The following SLC31A1 variants were observed in gnomAD, a reference collection of about 807,000 sequenced individuals.
SLC31A1 encodes the protein high affinity copper uptake protein 1.
A neutral mutation model predicts 17.2 loss-of-function variants in SLC31A1; 5 were observed. The ratio of observed to expected loss-of-function variants is 0.29; its 90% CI spans 0.15 to 0.61. The LOEUF is 0.61. SLC31A1 is among the 20% of genes least tolerant of loss of function. The pLI is 0.86. For missense variants in SLC31A1, 161 were observed against 241.4 expected (o/e 0.67, Z 2.21); for synonymous variants, 76 against 78.8 (o/e 0.96, Z 0.19).
intron 1 of SLC31A1, among the ~76,000 whole-genome samples, chr9:113,239,445 A>T (rs1215984569): frequency 6.6e-6 from 1 of 152,172 alleles, no homozygotes; most frequent in African/African-American, 2.4e-5. Context: ...AGCCATAAGG[A>T]TTTAATCTAT....
chr9:113,251,258 A>C (rs1002004601), intron 1 of SLC31A1, among the ~76,000 whole-genome samples: 3 of 152,052 alleles, frequency 2.0e-5, no homozygotes, highest in Non-Finnish European at 4.4e-5. Context: ...CCTCATCTCC[A>C]CTAAAAATAA....
intron 1 of SLC31A1, among the ~76,000 whole-genome samples, chr9:113,251,113 T>C (rs2119009912): frequency 6.6e-6 from 1 of 152,268 alleles, no homozygotes; most frequent in African/African-American, 2.4e-5. Context: ...TTAGACAGTA[T>C]TCTTCTTTAC....
At chr9:113,229,155 A>AT (rs1211317176) in intron 1 of SLC31A1, among the ~76,000 whole-genome samples, 1 of 152,180 alleles carries the variant, frequency 6.6e-6, no homozygotes, top group Non-Finnish European at 1.5e-5. Flanking sequence ...TGATAATTTA[A>AT]TTTTTTAAAT....
At position 113,261,587 on chromosome 9, in the gene SLC31A1, A is replaced by C. The variant is rs1475999791; in HGVS notation, c.*1114A>C. Reference sequence around the variant, plus strand: ...CCTTGGTTTGTCCCAGCTGAAGTGAAGCAAGAGAGTTTGAATTAATTTTTC... The same window carrying C: ...CCTTGGTTTGTCCCAGCTGAAGTGACGCAAGAGAGTTTGAATTAATTTTTC... On this transcript the variant is annotated 3_prime_UTR_variant, in exon 5 of 5. Coordinates refer to ENST00000374212, the MANE Select transcript of SLC31A1 (RefSeq NM_001859.4). 1.3e-5 allele frequency: 2 copies of C among 152,662 alleles called. No homozygotes were observed. 9.5% of individuals were successfully genotyped at this position (152,662 alleles called of 1,614,324 possible).
chr9:113,260,127 C>A, intron 4 of SLC31A1, 145 bp from the exon 5 acceptor site: 1 of 731,942 alleles, frequency 1.4e-6, no homozygotes, highest in Non-Finnish European at 2.5e-6. Context: ...TTCCATGGAC[C>A]AATCAAAGAA....
At chr9:113,237,404 C>T (rs1403993160) in intron 1 of SLC31A1, among the ~76,000 whole-genome samples, 1 of 152,050 alleles carries the variant, frequency 6.6e-6, no homozygotes, top group African/African-American at 2.4e-5. Flanking sequence ...CCAATTGTGC[C>T]TCAACAGGAA....
chr9:113,253,977 T>TTTTTTTTTA (rs1831691665), intron 1 of SLC31A1, among the ~76,000 whole-genome samples: 1 of 148,456 alleles, frequency 6.7e-6, no homozygotes, highest in Non-Finnish European at 1.5e-5. Context: ...TTTTTTTTTT[T>TTTTTTTTTA]GAGATAGTCT....
At chr9:113,235,910 G>A (rs1831453073) in intron 1 of SLC31A1, among the ~76,000 whole-genome samples, 1 of 152,224 alleles carries the variant, frequency 6.6e-6, no homozygotes, top group African/African-American at 2.4e-5. Context: ...GTTCTGGAAT[G>A]TGTTTAATCA....
At chr9:113,241,352 C>T (rs1377353357) in intron 1 of SLC31A1, among the ~76,000 whole-genome samples, 3 of 152,098 alleles carry the variant, frequency 2.0e-5, no homozygotes, top group East Asian at 1.9e-4. Context: ...CTTGGAGTAC[C>T]GGTTCATCAG....
At chr9:113,229,133 A>G (rs1365563471) in intron 1 of SLC31A1, among the ~76,000 whole-genome samples, 1 of 152,250 alleles carries the variant, frequency 6.6e-6, no homozygotes, top group Non-Finnish European at 1.5e-5. Context: ...GGCGTGATCC[A>G]CTGCGCCTGA....
chr9:113,246,351 ATTTT>A (rs35589001), intron 1 of SLC31A1, among the ~76,000 whole-genome samples: 2 of 146,712 alleles, frequency 1.4e-5, no homozygotes, highest in Non-Finnish European at 3.0e-5. Flanking sequence ...GGCCATTAAG[ATTTT>A]TTTTTTCTTT....
rs1344709963 is a variant in SLC31A1 at position 113,221,622 on chromosome 9, G to A, written c.-92G>A. The A allele has an allele frequency of 2.7e-6, 1 of 376,154 alleles. No individual in the cohort carries two copies. The highest frequency in any genetic ancestry group is 5.1e-6 in the Non-Finnish European group (1 of 195,474). 23.3% of individuals were successfully genotyped at this position (376,154 alleles called of 1,614,324 possible). A position where few individuals can be genotyped will look rare whatever the true frequency, so the allele number is the denominator to read the frequency against. On this transcript the variant is annotated 5_prime_UTR_variant, in exon 1 of 5. Coordinates refer to ENST00000374212, the MANE Select transcript of SLC31A1 (RefSeq NM_001859.4). Reference sequence around the variant, plus strand: ...GGGGCCGTTCGAAGAGTCGTGAGGGGGTGACGGGTTAAGATTCGGAGAGAG... The same window carrying A: ...GGGGCCGTTCGAAGAGTCGTGAGGGAGTGACGGGTTAAGATTCGGAGAGAG...
At chr9:113,236,432 C>T (rs560491909) in intron 1 of SLC31A1, among the ~76,000 whole-genome samples, 5 of 152,168 alleles carry the variant, frequency 3.3e-5, no homozygotes, top group South Asian at 2.1e-4. Flanking sequence ...GGTGCGATCT[C>T]GGCTCACTGC....
In SLC31A1 at chr9:113,252,946, C is replaced by CT. The variant is rs1282361795; in HGVS notation, c.-35-3161dup. On this transcript the variant is annotated intron_variant, in intron 1 of 4. Transcript: ENST00000374212. ...CTGGCTAGCGAAAGTCTTTTCTTTT[C>CT]TTTTTTTCTTTTTTTTTTTTTTTTT... Among the ~76,000 whole-genome samples, 911 of 113,606 alleles carry CT rather than the reference C, an allele frequency of 8.0e-3. 41 individuals carry two copies. The highest frequency in any genetic ancestry group is 0.012 in the African/African-American group (333 of 28,076). 74.5% of individuals were successfully genotyped at this position (113,606 alleles called of 152,430 possible). A position where few individuals can be genotyped will look rare whatever the true frequency, so the allele number is the denominator to read the frequency against.
At chr9:113,224,601 TA>T (rs1487513731) in intron 1 of SLC31A1, among the ~76,000 whole-genome samples, 2 of 152,176 alleles carry the variant, frequency 1.3e-5, no homozygotes, top group Non-Finnish European at 2.9e-5. Flanking sequence ...GCTAATTTTG[TA>T]TTTTTAGTAG....
In SLC31A1 at chr9:113,257,184, A is replaced by C; in HGVS notation, c.201A>C (p.Gly67=). 1 of 1,612,950 alleles carries C rather than the reference A, an allele frequency of 6.2e-7. No homozygotes were observed. The highest frequency in any genetic ancestry group is 8.5e-7 in the Non-Finnish European group (1 of 1,179,004). ...CCGGTTTGGTGATCAATACAGCTGG[A>C]GGTGAGTAAGCCATTAGGTAGTGTT... is the stretch of plus-strand genomic sequence containing the variant. ...LFSGLVINTA[G]EMAGAFVAVF... is the part of the protein sequence containing the mutation. Residue 67 remains glycine (G), a splice_region_variant and synonymous_variant, in exon 3 of 5, where the codon GGA becomes GGC. Coordinates refer to ENST00000374212, the MANE Select transcript of SLC31A1 (RefSeq NM_001859.4).
At position 113,263,317 on chromosome 9, in the gene SLC31A1, T is replaced by A. The variant is rs1831814968; in HGVS notation, c.*2844T>A. ...GATTCTTAGACTGGCTGCCAAAGGA[T>A]GAAGCTAGTGAAGGAGAAAAAGCTT... On this transcript the variant is annotated 3_prime_UTR_variant, in exon 5 of 5. Coordinates refer to ENST00000374212, the MANE Select transcript of SLC31A1 (RefSeq NM_001859.4). The A allele has an allele frequency of 6.6e-6, 1 of 152,248 alleles. No individual in the cohort carries two copies. The highest frequency in any genetic ancestry group is 1.5e-5 in the Non-Finnish European group (1 of 68,048). The allele number at this position is 152,248 out of a possible 1,614,324, so 9.4% of individuals were successfully genotyped here. A position where few individuals can be genotyped will look rare whatever the true frequency, so the allele number is the denominator to read the frequency against.
intron 1 of SLC31A1, among the ~76,000 whole-genome samples, chr9:113,226,260 G>A (rs1831341554): frequency 1.3e-5 from 2 of 152,156 alleles, no homozygotes; most frequent in African/African-American, 4.8e-5. Flanking sequence ...AAGTGGACAG[G>A]GCAGGCCTGA....
chr9:113,248,231 G>A (rs1831605192), intron 1 of SLC31A1, among the ~76,000 whole-genome samples: 1 of 151,954 alleles, frequency 6.6e-6, no homozygotes, highest in Admixed American at 6.6e-5. Context: ...GGCTTAGGCA[G>A]GAGAATCACT....
Sources: gnomAD v4.1 joint callset for allele counts (sites outside exome capture counted in the v4.1 genomes callset) on GRCh38, gnomAD v4.1.1 for gene constraint, MANE v1.5 for transcripts, NCBI Gene and HGNC (gene_info 2026-07-23, HGNC 2026-07-21) for gene names.